The following PARVB variants were observed in gnomAD, a reference collection of about 807,000 sequenced individuals.
PARVB encodes the protein beta-parvin.
A neutral mutation model predicts 47.0 loss-of-function variants in PARVB; 46 were observed. That is an observed-to-expected ratio of 0.98 (90% CI 0.77 to 1.25). The LOEUF (loss-of-function observed/expected upper bound fraction) is 1.25. Ranked by LOEUF, PARVB falls within the 50% of genes most tolerant of loss-of-function variation. The pLI is 0.00. For missense variants in PARVB, 473 were observed against 471.6 expected, an observed-to-expected ratio of 1.00 and a Z score of -0.03; for synonymous variants, 196 against 196.3, an observed-to-expected ratio of 1.00 and a Z score of 0.01.
chr22:44,127,835 G>C (rs1392117747), intron 4 of PARVB, among the ~76,000 whole-genome samples: 2 of 124,322 alleles, frequency 1.6e-5, no homozygotes, highest in Non-Finnish European at 3.5e-5. Context: ...GCCCAGGCTG[G>C]AGTGCAGTGG....
chr22:44,077,858 C>T (rs773807079), intron 1 of PARVB, among the ~76,000 whole-genome samples: 2 of 152,046 alleles, frequency 1.3e-5, no homozygotes, highest in South Asian at 2.1e-4. Flanking sequence ...CCATGACACT[C>T]GGCTAATTTT....
chr22:44,042,155 C>T (rs2051030646), intron 1 of PARVB, among the ~76,000 whole-genome samples: 1 of 152,040 alleles, frequency 6.6e-6, no homozygotes, highest in African/African-American at 2.4e-5. Flanking sequence ...GGCGCGGTGG[C>T]TCATGCCTGT....
At chr22:44,122,554 CACAGAGACAGAGAG>C (rs2053086063) in intron 4 of PARVB, among the ~76,000 whole-genome samples, 2 of 54,078 alleles carry the variant, frequency 3.7e-5, no homozygotes, top group East Asian at 7.3e-4. Context: ...GAGAGAGAGA[CACAGAGACAGAGAG>C]AGAGAGAGAG....
In PARVB at chr22:44,025,887, C is replaced by T. The variant is rs867561040; in HGVS notation, c.112+1436C>T. On this transcript the variant is annotated intron_variant, in intron 1 of 12. Coordinates refer to ENST00000338758, the MANE Select transcript of PARVB (RefSeq NM_013327.5). ...CGCCATGGGCCAGGTGCTGCTTAGA[C>T]CCCAGGAAGAAAAGAGCGGGGGCGG... Among the ~76,000 whole-genome samples, 7 of 152,294 alleles carry T rather than the reference C, an allele frequency of 4.6e-5. 1 individual carries two copies. Among genetic ancestry groups the T allele is most frequent in the Middle Eastern group, 6.8e-3 (2 of 294 alleles).
chr22:44,133,024 G>A lies in PARVB; in HGVS notation c.633+15G>A. 6.3e-7 allele frequency: 1 copy of A among 1,579,690 alleles called. No homozygotes were observed. The highest frequency in any genetic ancestry group is 8.7e-7 in the Non-Finnish European group (1 of 1,155,246). On this transcript the variant is annotated intron_variant, in intron 6 of 12. Transcript: ENST00000338758. ...TGGTCGTGCGGGTGAGTATAACCGA[G>A]TGGTCGGCCTGCCTGTAACTCCGCC...
chr22:44,009,445 A>G (rs1236596882), intron 2 of PARVB: 1 of 152,198 alleles, frequency 6.6e-6, no homozygotes, highest in Non-Finnish European at 1.5e-5. Flanking sequence ...TGCTCTAAAT[A>G]ACATCAACTT....
intron 5 of PARVB, among the ~76,000 whole-genome samples, chr22:44,132,330 T>A (rs1333092172): frequency 6.6e-6 from 1 of 152,080 alleles, no homozygotes; most frequent in Non-Finnish European, 1.5e-5. Context: ...GGGAATCGGG[T>A]GCCTTGTAAA....
At position 44,122,534 on chromosome 22, in the gene PARVB, G is replaced by GAC. The variant is rs2053081885; in HGVS notation, c.376+3395_376+3396insCA. Among the ~76,000 whole-genome samples the GAC allele has an allele frequency of 3.5e-4, 34 of 96,874 alleles. 1 individual carries two copies. Among genetic ancestry groups the GAC allele is most frequent in the Admixed American group, 1.2e-3 (11 of 9,236 alleles). 63.6% of individuals were successfully genotyped at this position (96,874 alleles called of 152,430 possible). A position where few individuals can be genotyped will look rare whatever the true frequency, so the allele number is the denominator to read the frequency against. On this transcript the variant is annotated intron_variant, in intron 4 of 12. Coordinates refer to ENST00000338758, the MANE Select transcript of PARVB (RefSeq NM_013327.5). ...AGAGAGAGAGACAGAGAGACAGAGAGAGAGAGAGAGAGAGAGAGACACAGA... is the reference window on the plus strand; with the variant it reads ...AGAGAGAGAGACAGAGAGACAGAGAGACAGAGAGAGAGAGAGAGAGACACAGA...
At chr22:44,127,526 G>A (rs2053213864) in intron 4 of PARVB, among the ~76,000 whole-genome samples, 1 of 152,308 alleles carries the variant, frequency 6.6e-6, no homozygotes, top group Admixed American at 6.5e-5. Context: ...TGAATACCAA[G>A]GTCAAAGCCA....
At chr22:44,128,577 T>G (rs1267819167) in intron 4 of PARVB, among the ~76,000 whole-genome samples, 2 of 152,216 alleles carry the variant, frequency 1.3e-5, no homozygotes, top group Non-Finnish European at 2.9e-5. Context: ...GCCTGCTGTT[T>G]CCACCACCAA....
Position 44,163,940 on chromosome 22 carries a change from CT to C in PARVB, c.1018+11del. ...AAGGCTCGTCCTGAAGGTAATGCCCCTGGCTCAGGTTCCCCCGGGAGAGGTG... is the reference window on the plus strand; with the variant it reads ...AAGGCTCGTCCTGAAGGTAATGCCCCGGCTCAGGTTCCCCCGGGAGAGGTG... On this transcript the variant is annotated intron_variant, in intron 12 of 12. Coordinates refer to ENST00000338758, the MANE Select transcript of PARVB (RefSeq NM_013327.5). The C allele has an allele frequency of 1.2e-6, 2 of 1,604,936 alleles. No individual in the cohort carries two copies. Among genetic ancestry groups the C allele is most frequent in the Non-Finnish European group, 1.7e-6 (2 of 1,174,936 alleles).
At chr22:44,099,658 A>C (rs2052395072) in intron 2 of PARVB, among the ~76,000 whole-genome samples, 1 of 152,136 alleles carries the variant, frequency 6.6e-6, no homozygotes, top group South Asian at 2.1e-4. Context: ...AGACTCTTCA[A>C]ATGTATTTAT....
intron 1 of PARVB, 55 bp from the exon 2 acceptor site, chr22:44,093,873 A>G (rs2052230907): frequency 1.8e-6 from 2 of 1,107,572 alleles, no homozygotes; most frequent in Non-Finnish European, 2.7e-6. Context: ...CCAACATGTG[A>G]GGCCACGGCA....
intron 10 of PARVB, chr22:44,152,100 G>A (rs1484729961): frequency 1.3e-5 from 2 of 152,482 alleles, no homozygotes; most frequent in African/African-American, 4.8e-5. Context: ...TCCAGATACG[G>A]TCACATTCAG....
chr22:44,140,645 C>G (rs1233554367), intron 8 of PARVB: 36 of 515,158 alleles, frequency 7.0e-5, no homozygotes, highest in South Asian at 4.9e-4. Flanking sequence ...TGTGGCCTGC[C>G]CCTTCCTCTC....
At chr22:44,067,335 T>C (rs1246779421) in intron 1 of PARVB, among the ~76,000 whole-genome samples, 1 of 152,240 alleles carries the variant, frequency 6.6e-6, no homozygotes, top group East Asian at 1.9e-4. Flanking sequence ...CTGCTGATCC[T>C]TTTATGATTT....
Position 44,155,090 on chromosome 22 carries a change from G to A in PARVB, c.844-2892G>A, listed in dbSNP as rs56267826. Among the ~76,000 whole-genome samples, 14,017 of 151,350 alleles carry A rather than the reference G, an allele frequency of 0.093. 899 individuals carry two copies. The highest frequency in any genetic ancestry group is 0.14 in the Non-Finnish European group (9,514 of 67,774). ...GTAGTCTGTGTGGTGTGTGTGTGGT[G>A]TAGGTGTGTGTTTTCCCTCCTTTTC... On this transcript the variant is annotated intron_variant, in intron 10 of 12. Transcript: ENST00000338758. This position sits in a 1 kb window ranked among gnomAD's most constrained non-coding sequence, Gnocchi z 4.8.
intron 2 of PARVB, among the ~76,000 whole-genome samples, chr22:44,001,053 A>G (rs1246680614): frequency 6.6e-6 from 1 of 152,234 alleles, no homozygotes; most frequent in Non-Finnish European, 1.5e-5. Flanking sequence ...GTTCGAGACA[A>G]GCCTGGCTAA....
rs1569134436 is a variant in PARVB, at chr22:44,122,540, GAGAGAGAGAGAGACACAGAGAC to G, written c.376+3414_376+3435del. Among the ~76,000 whole-genome samples the G allele has an allele frequency of 2.1e-4, 23 of 107,546 alleles. 2 individuals carry two copies. Among genetic ancestry groups the G allele is most frequent in the Non-Finnish European group, 3.2e-4 (17 of 53,510 alleles). 70.6% of individuals were successfully genotyped at this position (107,546 alleles called of 152,430 possible). A position where few individuals can be genotyped will look rare whatever the true frequency, so the allele number is the denominator to read the frequency against. On this transcript the variant is annotated intron_variant, in intron 4 of 12. Transcript: ENST00000338758. ...AGAGACAGAGAGACAGAGAGAGAGA[GAGAGAGAGAGAGACACAGAGAC>G]AGAGAGAGAGAGAGAGAGAGAGAGA... is the stretch of plus-strand genomic sequence containing the variant.
Sources: allele counts gnomAD v4.1 joint callset (sites outside exome capture counted in the v4.1 genomes callset), GRCh38; gene constraint gnomAD v4.1.1; non-coding constraint Gnocchi (gnomAD v3.1); transcripts MANE v1.5; gene names NCBI Gene and HGNC (gene_info 2026-07-23, HGNC 2026-07-21).